The following RAD51B variants were observed in gnomAD, a reference collection of about 807,000 sequenced individuals.
RAD51B encodes RAD51 paralog B, also known as DNA repair protein RAD51 homolog 2.
In RAD51B, 38 loss-of-function variants were observed where a neutral mutation model predicts 42.2. That is an observed-to-expected ratio of 0.90 (90% CI 0.70 to 1.18). The LOEUF (loss-of-function observed/expected upper bound fraction) is 1.18, where lower values mean the gene tolerates loss of function less well. RAD51B is among the 50% of genes most tolerant of loss of function. RAD51B has a pLI of 0.00. For synonymous variants in RAD51B, 154 were observed against 145.2 expected (o/e 1.06, Z -0.43); for missense variants, 373 against 400.7 (o/e 0.93, Z 0.59).
chr14:67,874,543 A>G (rs1437313479), intron 5 of RAD51B, among the ~76,000 whole-genome samples: 2 of 151,998 alleles, frequency 1.3e-5, no homozygotes, highest in Non-Finnish European at 2.9e-5. Context: ...CTTGAATTAG[A>G]TAATTGTGTA....
chr14:67,940,270 C>T lies in RAD51B; in HGVS notation c.756+53066C>T, dbSNP rs376691688. Reference sequence around the variant, plus strand: ...TGTATTTTTAGTAGAGATGGGGTTTCGCCATGTTGGTCAGGTTGGTCTTGA... The same window carrying T: ...TGTATTTTTAGTAGAGATGGGGTTTTGCCATGTTGGTCAGGTTGGTCTTGA... On this transcript the variant is annotated intron_variant, in intron 7 of 10. Coordinates refer to ENST00000471583, the MANE Select transcript of RAD51B (RefSeq NM_133510.4). Among the ~76,000 whole-genome samples, 14 of 150,416 alleles carry T rather than the reference C, an allele frequency of 9.3e-5. No individual in the cohort carries two copies. In the East Asian group the frequency reaches 1.4e-3, roughly 15 times the overall value.
intron 10 of RAD51B, among the ~76,000 whole-genome samples, chr14:68,575,745 T>C (rs968724106): frequency 5.9e-5 from 9 of 152,228 alleles, no homozygotes; most frequent in African/African-American, 2.2e-4. Context: ...AAGTTCATCC[T>C]CTGGACACCA....
chr14:68,634,323 T>C (rs1892297996), intron 10 of RAD51B, among the ~76,000 whole-genome samples: 3 of 152,168 alleles, frequency 2.0e-5, no homozygotes, highest in Admixed American at 1.3e-4. Flanking sequence ...CAAAGTCACC[T>C]CCTCTGCTTA....
intron 7 of RAD51B, among the ~76,000 whole-genome samples, chr14:68,263,818 T>G (rs2080933137): frequency 1.3e-5 from 2 of 152,218 alleles, no homozygotes; most frequent in African/African-American, 4.8e-5. Context: ...AAATAAGCAC[T>G]AATGGCAAAC....
At chr14:68,243,458 C>T (rs943236745) in intron 7 of RAD51B, among the ~76,000 whole-genome samples, 2 of 152,100 alleles carry the variant, frequency 1.3e-5, no homozygotes, top group Non-Finnish European at 2.9e-5. Context: ...ATTAAATTGT[C>T]ATGGTTGATG....
chr14:68,192,733 C>G (rs76489226), intron 7 of RAD51B, among the ~76,000 whole-genome samples: 1,904 of 152,252 alleles, frequency 0.013, 95 homozygotes, highest in East Asian at 0.12. Flanking sequence ...AAGTCAATCT[C>G]TCTCTCCTTT....
At chr14:68,276,590 A>G (rs10131490) in intron 7 of RAD51B, among the ~76,000 whole-genome samples, 49,752 of 152,016 alleles carry the variant, frequency 0.33, 9,029 homozygotes, top group African/African-American at 0.47. Flanking sequence ...GGAGTCTGTC[A>G]GTCACATGTT....
intron 7 of RAD51B, among the ~76,000 whole-genome samples, chr14:68,106,344 T>TA (rs1016750550): frequency 2.0e-5 from 3 of 151,900 alleles, no homozygotes; most frequent in East Asian, 3.9e-4. Flanking sequence ...CATTTTCATT[T>TA]AAAAAAAATT....
intron 7 of RAD51B, among the ~76,000 whole-genome samples, chr14:67,992,078 A>G (rs2075304947): frequency 1.3e-5 from 2 of 152,228 alleles, no homozygotes; most frequent in Non-Finnish European, 2.9e-5. Flanking sequence ...TAGAATGTCT[A>G]GAATAAGATT....
intron 7 of RAD51B, among the ~76,000 whole-genome samples, chr14:68,035,237 T>C (rs970013569): frequency 8.5e-5 from 13 of 152,202 alleles, no homozygotes; most frequent in African/African-American, 3.1e-4. Flanking sequence ...AAGATGTTTG[T>C]TTGGAAGATT....
chr14:68,068,128 T>A (rs188783581), intron 7 of RAD51B, among the ~76,000 whole-genome samples: 2 of 152,266 alleles, frequency 1.3e-5, no homozygotes, highest in African/African-American at 4.8e-5. Flanking sequence ...AAACTTTTTT[T>A]AAAACCAGCT....
At chr14:68,146,105 A>G (rs960019167) in intron 7 of RAD51B, among the ~76,000 whole-genome samples, 2 of 152,138 alleles carry the variant, frequency 1.3e-5, no homozygotes, top group African/African-American at 4.8e-5. Flanking sequence ...GGGAGGTGGA[A>G]TGAGTTAGGA....
chr14:67,996,612 G>C (rs2075389421), intron 7 of RAD51B, among the ~76,000 whole-genome samples: 1 of 152,128 alleles, frequency 6.6e-6, no homozygotes, highest in Non-Finnish European at 1.5e-5. Flanking sequence ...GAAGCCAATA[G>C]ATCTGAAGTG....
intron 7 of RAD51B, chr14:68,125,412 G>A (rs1342862932): frequency 6.6e-6 from 1 of 152,160 alleles, no homozygotes; most frequent in African/African-American, 2.4e-5. Context: ...AAGAAAAACT[G>A]CAATGGAAAA....
chr14:67,963,092 C>T (rs947376349), intron 7 of RAD51B, among the ~76,000 whole-genome samples: 14 of 152,012 alleles, frequency 9.2e-5, no homozygotes, highest in Middle Eastern at 3.2e-3. Context: ...AGTTTCATTT[C>T]GGCTTCTGTT....
chr14:68,236,366 C>G (rs939094511), intron 7 of RAD51B: 1 of 152,160 alleles, frequency 6.6e-6, no homozygotes, highest in African/African-American at 2.4e-5. Flanking sequence ...GTTCAACCCT[C>G]CTTAGGCAAC....
intron 10 of RAD51B, among the ~76,000 whole-genome samples, chr14:68,488,199 C>CTTTT (rs201866707): frequency 2.6e-4 from 28 of 108,308 alleles, no homozygotes; most frequent in African/African-American, 9.9e-4. Context: ...TAGGGTTTGT[C>CTTTT]TTTTTTTTTT....
intron 7 of RAD51B, among the ~76,000 whole-genome samples, chr14:68,072,109 A>G (rs981119994): frequency 7.9e-6 from 1 of 125,984 alleles, no homozygotes; most frequent in Non-Finnish European, 1.7e-5. Context: ...TATAAAATAT[A>G]AAAAATATAT....
chr14:68,209,677 G>A (rs1050917594), intron 7 of RAD51B, among the ~76,000 whole-genome samples: 2 of 152,130 alleles, frequency 1.3e-5, no homozygotes, highest in Non-Finnish European at 2.9e-5. Context: ...TACCCACTTA[G>A]GGATCTCCTG....
Sources: allele counts gnomAD v4.1 joint callset (sites outside exome capture counted in the v4.1 genomes callset), GRCh38; gene constraint gnomAD v4.1.1; transcripts MANE v1.5; gene names NCBI Gene and HGNC (gene_info 2026-07-23, HGNC 2026-07-21).